MACROD2: variants seen among roughly 807,000 people sequenced by gnomAD.
MACROD2 encodes the protein ADP-ribose glycohydrolase MACROD2.
In MACROD2, 36 loss-of-function variants were observed where a neutral mutation model predicts 70.4. That is an observed-to-expected ratio of 0.51 (90% confidence interval 0.39 to 0.68). MACROD2 has a LOEUF of 0.68. Ranked by LOEUF, MACROD2 falls within the 30% of genes least tolerant of loss-of-function variation. The pLI, the probability that MACROD2 is intolerant of heterozygous loss-of-function variation, is 0.00. For missense variants in MACROD2, 496 were observed against 538.4 expected (o/e 0.92, Z 0.78); for synonymous variants, 172 against 178.8 (o/e 0.96, Z 0.30).
chr20:14,317,736 A>C (rs2082625914), intron 3 of MACROD2, among the ~76,000 whole-genome samples: 1 of 152,144 alleles, frequency 6.6e-6, no homozygotes, highest in Admixed American at 6.6e-5. Context: ...TACTCAGTAC[A>C]TCATTGTTAA....
intron 8 of MACROD2, among the ~76,000 whole-genome samples, chr20:15,657,794 A>T (rs1182265179): frequency 1.3e-5 from 2 of 152,128 alleles, no homozygotes; most frequent in African/African-American, 4.8e-5. Flanking sequence ...GGAGTTTGAG[A>T]CCAGCCTGGC....
chr20:15,946,934 A>G (rs2065831925), intron 12 of MACROD2, among the ~76,000 whole-genome samples: 1 of 152,190 alleles, frequency 6.6e-6, no homozygotes, highest in South Asian at 2.1e-4. Flanking sequence ...ACACGTGAGC[A>G]AAGAAATCTG....
intron 10 of MACROD2, among the ~76,000 whole-genome samples, chr20:15,931,558 G>A (rs1010052930): frequency 2.6e-5 from 4 of 152,004 alleles, no homozygotes; most frequent in Non-Finnish European, 4.4e-5. Flanking sequence ...TGGGAGGATC[G>A]CTTGAGTCCA....
chr20:14,469,717 T>C (rs563187374), intron 3 of MACROD2, among the ~76,000 whole-genome samples: 23 of 152,028 alleles, frequency 1.5e-4, no homozygotes, highest in African/African-American at 5.3e-4. Flanking sequence ...CTTGATCAAT[T>C]CACCTATTGA....
intron 5 of MACROD2, among the ~76,000 whole-genome samples, chr20:14,902,967 G>A (rs1412750071): frequency 1.3e-5 from 2 of 151,534 alleles, no homozygotes; most frequent in Non-Finnish European, 2.9e-5. Flanking sequence ...TTGCTCTTCT[G>A]TCAGCAAAAC....
intron 8 of MACROD2, among the ~76,000 whole-genome samples, chr20:15,793,559 A>G (rs1315667104): frequency 6.6e-6 from 1 of 152,070 alleles, no homozygotes; most frequent in Non-Finnish European, 1.5e-5. Flanking sequence ...TTAAAAAGCC[A>G]TACTGTTAAA....
At chr20:14,576,495 T>C (rs954540010) in intron 4 of MACROD2, among the ~76,000 whole-genome samples, 4 of 152,244 alleles carry the variant, frequency 2.6e-5, no homozygotes, top group African/African-American at 9.6e-5. Context: ...ACTTTCAATA[T>C]GCTTCAGAAC....
At chr20:15,220,405 G>A (rs2076849400) in intron 5 of MACROD2, among the ~76,000 whole-genome samples, 1 of 152,216 alleles carries the variant, frequency 6.6e-6, no homozygotes, top group Non-Finnish European at 1.5e-5. Flanking sequence ...CCCTGCAGTG[G>A]AAGCATCGAG....
chr20:15,234,406 A>T (rs2076995609), intron 6 of MACROD2, among the ~76,000 whole-genome samples: 1 of 152,002 alleles, frequency 6.6e-6, no homozygotes, highest in African/African-American at 2.4e-5. Context: ...CATGAAGAGG[A>T]TAATTAGCAG....
chr20:15,237,185 C>A (rs1273920489), intron 6 of MACROD2, among the ~76,000 whole-genome samples: 1 of 152,126 alleles, frequency 6.6e-6, no homozygotes, highest in Non-Finnish European at 1.5e-5. Context: ...CAAAACAAAG[C>A]CTCTCTCTCT....
chr20:14,156,231 C>A (rs867195129), intron 3 of MACROD2, among the ~76,000 whole-genome samples: 6 of 152,148 alleles, frequency 3.9e-5, no homozygotes, highest in Non-Finnish European at 7.3e-5. Context: ...ATTATCTATG[C>A]AAGCATGGGG....
At chr20:14,520,844 T>TA (rs1324255518) in intron 4 of MACROD2, among the ~76,000 whole-genome samples, 1 of 152,164 alleles carries the variant, frequency 6.6e-6, no homozygotes, top group East Asian at 1.9e-4. Context: ...CTGCTCTACT[T>TA]ACCTCCTCCC....
chr20:15,692,119 G>A (rs1431180087), intron 8 of MACROD2, among the ~76,000 whole-genome samples: 1 of 152,062 alleles, frequency 6.6e-6, no homozygotes, highest in Non-Finnish European at 1.5e-5. Flanking sequence ...CTCATTGTAC[G>A]TTAAGCAGCT....
chr20:14,847,018 G>A (rs990695020), intron 5 of MACROD2, among the ~76,000 whole-genome samples: 1 of 151,902 alleles, frequency 6.6e-6, no homozygotes, highest in Non-Finnish European at 1.5e-5. Context: ...ACACATCGAT[G>A]CTTTAGACAA....
intron 5 of MACROD2, among the ~76,000 whole-genome samples, chr20:14,979,508 T>C (rs1404294362): frequency 6.6e-6 from 1 of 152,174 alleles, no homozygotes; most frequent in Admixed American, 6.5e-5. Context: ...AACAATAATG[T>C]CCTGTTAACT....
At chr20:14,830,323 AAAT>A (rs1283473914) in intron 5 of MACROD2, among the ~76,000 whole-genome samples, 2 of 152,120 alleles carry the variant, frequency 1.3e-5, no homozygotes, top group African/African-American at 4.8e-5. Context: ...AGTTGTTAAA[AAAT>A]AATAATAATA....
intron 5 of MACROD2, among the ~76,000 whole-genome samples, chr20:14,719,937 G>A (rs1278750267): frequency 1.3e-5 from 2 of 152,122 alleles, no homozygotes; most frequent in Admixed American, 1.3e-4. Flanking sequence ...AGAGGTTAGG[G>A]ATAGAAGGGT....
intron 5 of MACROD2, among the ~76,000 whole-genome samples, chr20:14,815,919 T>C (rs2072769055): frequency 6.6e-6 from 1 of 152,060 alleles, no homozygotes; most frequent in African/African-American, 2.4e-5. Flanking sequence ...AAAAAGTCAG[T>C]GTTCTCACGT....
intron 8 of MACROD2, among the ~76,000 whole-genome samples, chr20:15,605,457 T>C (rs1217236094): frequency 1.4e-5 from 2 of 147,960 alleles, no homozygotes; most frequent in Admixed American, 6.7e-5. Flanking sequence ...TGTAAGCGTG[T>C]GTGTGTGTGT....
Sources: gnomAD v4.1 joint callset for allele counts (sites outside exome capture counted in the v4.1 genomes callset) on GRCh38, gnomAD v4.1.1 for gene constraint, MANE v1.5 for transcripts, NCBI Gene and HGNC (gene_info 2026-07-23, HGNC 2026-07-21) for gene names.